Variants in THRB observed in about 807,000 individuals in gnomAD.
THRB encodes the protein thyroid hormone receptor beta.
THRB carries 12 observed loss-of-function variants against 47.8 expected under a neutral mutation model. The ratio of observed to expected loss-of-function variants is 0.25; its 90% CI spans 0.16 to 0.41. The LOEUF (loss-of-function observed/expected upper bound fraction) is 0.41, where lower values mean the gene tolerates loss of function less well. THRB is among the 10% of genes least tolerant of loss of function. The pLI, the probability that THRB is intolerant of heterozygous loss-of-function variation, is 1.00. For synonymous variants in THRB, 218 were observed against 212.2 expected (o/e 1.03, Z -0.24); for missense variants, 348 against 589.2 (o/e 0.59, Z 4.24).
At position 24,118,605 on chromosome 3, in the gene THRB, G is replaced by A. The variant is rs1381292770; in HGVS notation, c.*4279C>T. 4 of 152,640 alleles carry A rather than the reference G, an allele frequency of 2.6e-5. No individual in the cohort carries two copies. The highest frequency in any genetic ancestry group is 5.9e-5 in the Non-Finnish European group (4 of 68,048). 9.5% of individuals were successfully genotyped at this position (152,640 alleles called of 1,614,324 possible). A position where few individuals can be genotyped will look rare whatever the true frequency, so the allele number is the denominator to read the frequency against. On this transcript the variant is annotated 3_prime_UTR_variant, in exon 11 of 11. Transcript: ENST00000646209. Reference sequence around the variant, plus strand: ...CAAATTAAAAATGCCAAGTTAATAAGGGAGAACCAAAAGAAAGAAGTGGCA... The same window carrying A: ...CAAATTAAAAATGCCAAGTTAATAAAGGAGAACCAAAAGAAAGAAGTGGCA...
intron 1 of THRB, among the ~76,000 whole-genome samples, chr3:24,488,478 A>G (rs559398367): frequency 1.8e-4 from 27 of 152,342 alleles, no homozygotes; most frequent in African/African-American, 6.3e-4. Flanking sequence ...AAACATGCAG[A>G]TCAGCAAGAC....
chr3:24,383,319 T>C (rs966653455), intron 1 of THRB, among the ~76,000 whole-genome samples: 1 of 152,124 alleles, frequency 6.6e-6, no homozygotes, highest in South Asian at 2.1e-4. Flanking sequence ...TCCATCCATA[T>C]ATCCATCCAT....
intron 7 of THRB, chr3:24,145,027 C>G (rs1336078567): frequency 6.6e-6 from 1 of 150,396 alleles, no homozygotes; most frequent in African/African-American, 2.4e-5. Flanking sequence ...ATTGGATTGT[C>G]AAAGTCATGT....
intron 1 of THRB, among the ~76,000 whole-genome samples, chr3:24,377,576 T>C (rs1278149700): frequency 5.9e-5 from 9 of 152,132 alleles, no homozygotes; most frequent in South Asian, 2.1e-4. Flanking sequence ...AAACCTGATA[T>C]GGTGAAATTC....
intron 3 of THRB, among the ~76,000 whole-genome samples, chr3:24,265,234 C>T (rs548303673): frequency 6.6e-6 from 1 of 152,152 alleles, no homozygotes; most frequent in Non-Finnish European, 1.5e-5. Context: ...TTAGATCATG[C>T]AAGTAATGAG....
chr3:24,273,555 T>G (rs961967161), intron 3 of THRB, among the ~76,000 whole-genome samples: 4 of 152,242 alleles, frequency 2.6e-5, no homozygotes, highest in African/African-American at 7.2e-5. Flanking sequence ...ATTCCTTAGC[T>G]TTAATCTCAA....
intron 5 of THRB, among the ~76,000 whole-genome samples, chr3:24,186,014 C>G (rs1351090101): frequency 6.6e-6 from 1 of 152,168 alleles, no homozygotes; most frequent in African/African-American, 2.4e-5. Flanking sequence ...CAGGCCCAAC[C>G]AAGAATGGAG....
At chr3:24,333,031 C>T (rs796353483) in intron 2 of THRB, among the ~76,000 whole-genome samples, 70 of 152,158 alleles carry the variant, frequency 4.6e-4, no homozygotes, top group African/African-American at 1.5e-3. Flanking sequence ...TTGCAGTGAG[C>T]GGAGATCATG....
intron 1 of THRB, among the ~76,000 whole-genome samples, chr3:24,443,128 G>A (rs1484388679): frequency 1.3e-5 from 2 of 151,674 alleles, no homozygotes; most frequent in Admixed American, 1.3e-4. Context: ...ATTGCAATGA[G>A]CCGAGATCAC....
chr3:24,442,764 C>T lies in THRB; in HGVS notation c.-261+51888G>A, dbSNP rs956271550. ...GCTTGAACCTGGGAGGCAGAGGTTG[C>T]GGTGAGCCGAGATCGTGCCATTGTA... On this transcript the variant is annotated intron_variant, in intron 1 of 10. Coordinates refer to ENST00000646209, the MANE Select transcript of THRB (RefSeq NM_001354712.2). Among the ~76,000 whole-genome samples, 13 of 149,668 alleles carry T rather than the reference C, an allele frequency of 8.7e-5. No individual in the cohort carries two copies. The Middle Eastern group carries it at 0.01, about 119-fold the overall frequency.
intron 5 of THRB, among the ~76,000 whole-genome samples, chr3:24,185,016 G>A (rs1419233817): frequency 6.6e-6 from 1 of 152,144 alleles, no homozygotes; most frequent in Non-Finnish European, 1.5e-5. Flanking sequence ...TGTTATTTTG[G>A]TAAATGAGAA....
intron 1 of THRB, among the ~76,000 whole-genome samples, chr3:24,338,882 G>A (rs1205436383): frequency 1.3e-5 from 2 of 152,044 alleles, no homozygotes; most frequent in Non-Finnish European, 2.9e-5. Context: ...TCTCTGCACC[G>A]CCCATTTCAT....
chr3:24,429,808 C>T (rs1217373416), intron 1 of THRB, among the ~76,000 whole-genome samples: 1 of 151,962 alleles, frequency 6.6e-6, no homozygotes, highest in Admixed American at 6.6e-5. Context: ...GCCACTGTGC[C>T]CGGACTCAGA....
At chr3:24,355,268 A>T (rs2063603346) in intron 1 of THRB, among the ~76,000 whole-genome samples, 2 of 152,144 alleles carry the variant, frequency 1.3e-5, no homozygotes, top group South Asian at 4.1e-4. Flanking sequence ...GACATTCTAC[A>T]AAATAATTGG....
chr3:24,376,395 A>G (rs1314958707), intron 1 of THRB, among the ~76,000 whole-genome samples: 2 of 152,176 alleles, frequency 1.3e-5, no homozygotes, highest in African/African-American at 4.8e-5. Context: ...TGGGTGGCAG[A>G]TATGGTAGGA....
At chr3:24,308,393 G>A (rs2057512039) in intron 2 of THRB, among the ~76,000 whole-genome samples, 1 of 152,164 alleles carries the variant, frequency 6.6e-6, no homozygotes, top group South Asian at 2.1e-4. Flanking sequence ...GGTTTTAAGT[G>A]TCTTTGCCAA....
chr3:24,209,586 A>G (rs2045792499), intron 4 of THRB, among the ~76,000 whole-genome samples: 1 of 152,162 alleles, frequency 6.6e-6, no homozygotes, highest in Admixed American at 6.5e-5. Context: ...CAAAAAACCA[A>G]ACACCCCATG....
intron 5 of THRB, among the ~76,000 whole-genome samples, chr3:24,159,627 A>T (rs1186270211): frequency 6.6e-6 from 1 of 152,156 alleles, no homozygotes; most frequent in Non-Finnish European, 1.5e-5. Context: ...TCCAAGTAGT[A>T]AGTTCTTCAC....
intron 6 of THRB, among the ~76,000 whole-genome samples, chr3:24,148,787 T>C (rs557835405): frequency 1.1e-4 from 16 of 152,332 alleles, no homozygotes; most frequent in African/African-American, 3.4e-4. Flanking sequence ...GGATTTTATA[T>C]TGGGCAAAGC....
Sources: allele counts gnomAD v4.1 joint callset (sites outside exome capture counted in the v4.1 genomes callset), GRCh38; gene constraint gnomAD v4.1.1; transcripts MANE v1.5; gene names NCBI Gene and HGNC (gene_info 2026-07-23, HGNC 2026-07-21).